Variants in SLC25A26 observed in about 807,000 individuals in gnomAD.
SLC25A26 encodes the protein mitochondrial S-adenosylmethionine carrier protein.
Under a neutral mutation model 37.8 loss-of-function variants are expected in SLC25A26, and 36 were observed. The ratio of observed to expected loss-of-function variants is 0.95; its 90% CI spans 0.73 to 1.26. The LOEUF (loss-of-function observed/expected upper bound fraction) is 1.26, where lower values mean the gene tolerates loss of function less well. Ranked by LOEUF, SLC25A26 falls within the 50% of genes most tolerant of loss-of-function variation. SLC25A26 has a pLI of 0.00. For synonymous variants in SLC25A26, 129 were observed against 122.5 expected, an observed-to-expected ratio of 1.05 and a Z score of -0.35; for missense variants, 390 against 331.1, an observed-to-expected ratio of 1.18 and a Z score of -1.38.
At chr3:66,210,547 ACT>A (rs1402529679) in intron 1 of SLC25A26, among the ~76,000 whole-genome samples, 1 of 151,636 alleles carries the variant, frequency 6.6e-6, no homozygotes, top group Admixed American at 6.6e-5. Context: ...TGGGGGTCTC[ACT>A]CTGTCACTAG....
chr3:66,215,848 TAAC>T (rs2071353084), intron 1 of SLC25A26, among the ~76,000 whole-genome samples: 1 of 152,240 alleles, frequency 6.6e-6, no homozygotes, highest in South Asian at 2.1e-4. Flanking sequence ...TGTGCTGCTA[TAAC>T]AACATACCAC....
At position 66,280,870 on chromosome 3, in the gene SLC25A26, C is replaced by T. The variant is rs905965642; in HGVS notation, c.453+17491C>T. Among the ~76,000 whole-genome samples the T allele has an allele frequency of 3.0e-4, 46 of 152,216 alleles. 1 individual carries two copies. Among genetic ancestry groups the T allele is most frequent in the African/African-American group, 1.0e-3 (43 of 41,554 alleles). On this transcript the variant is annotated intron_variant, in intron 5 of 9. Transcript: ENST00000354883. ...TATCATTTAGTATTTCAGCATGTCT[C>T]CTAAGAATGGAGTCCTACTTCTCAT...
At chr3:66,203,373 C>T (rs1455027379) in intron 1 of SLC25A26, among the ~76,000 whole-genome samples, 1 of 151,390 alleles carries the variant, frequency 6.6e-6, no homozygotes, top group Non-Finnish European at 1.5e-5. Flanking sequence ...GAGAGTGAGA[C>T]CCTGTCTCAA....
intron 6 of SLC25A26, among the ~76,000 whole-genome samples, chr3:66,350,921 C>T (rs934003110): frequency 6.6e-6 from 1 of 152,082 alleles, no homozygotes; most frequent in African/African-American, 2.4e-5. Context: ...TAATGAAGGC[C>T]TTGAAGAATT....
chr3:66,289,478 C>T (rs909416920), intron 5 of SLC25A26, among the ~76,000 whole-genome samples: 10 of 152,160 alleles, frequency 6.6e-5, no homozygotes, highest in Non-Finnish European at 1.0e-4. Context: ...AGTCTTTAAC[C>T]CATCTTGAGT....
At chr3:66,193,239 A>G (rs879104690) in intron 1 of SLC25A26, among the ~76,000 whole-genome samples, 28,884 of 152,152 alleles carry the variant, frequency 0.19, 3,185 homozygotes, top group Admixed American at 0.34. Context: ...AAAAGGGAAT[A>G]TATCCTTTAC....
At chr3:66,292,524 C>G (rs1039653577) in intron 5 of SLC25A26, among the ~76,000 whole-genome samples, 5 of 152,118 alleles carry the variant, frequency 3.3e-5, no homozygotes, top group Non-Finnish European at 7.4e-5. Flanking sequence ...ATTTGCTTGT[C>G]CATAAAGGAT....
chr3:66,192,115 G>C (rs1409324784), intron 1 of SLC25A26, among the ~76,000 whole-genome samples: 5 of 152,018 alleles, frequency 3.3e-5, no homozygotes, highest in Admixed American at 6.6e-5. Context: ...AGGAGTTCGA[G>C]ACCAGCATGT....
At chr3:66,366,568 A>G (rs143044473) in intron 7 of SLC25A26, among the ~76,000 whole-genome samples, 37 of 152,342 alleles carry the variant, frequency 2.4e-4, no homozygotes, top group African/African-American at 8.2e-4. Flanking sequence ...TATTACTTTC[A>G]TGAAACCTAA....
chr3:66,206,894 CTTT>C (rs1192766670), intron 1 of SLC25A26, among the ~76,000 whole-genome samples: 6 of 124,564 alleles, frequency 4.8e-5, no homozygotes, highest in Non-Finnish European at 1.7e-5. Context: ...TTCTTTCTTT[CTTT>C]TTTTTTTTTT....
chr3:66,228,190 G>A (rs1383215333), intron 1 of SLC25A26, among the ~76,000 whole-genome samples: 1 of 152,204 alleles, frequency 6.6e-6, no homozygotes, highest in Admixed American at 6.5e-5. Flanking sequence ...TGCTTGGAGA[G>A]CACCAATCAT....
In SLC25A26 at chr3:66,236,525, CCCTCTTTTTTTTT is replaced by C. The variant is rs1372461759; in HGVS notation, c.34-17_34-5del. ...GTAACCTTTTTTTTTTCTTTTTCTT[CCCTCTTTTTTTTT>C]CAAAGGCTGGTGGGGTAGCAGGTGT... On this transcript the variant is annotated splice_region_variant and splice_polypyrimidine_tract_variant and intron_variant, in intron 1 of 9. Transcript: ENST00000354883. 2 of 1,410,998 alleles carry C rather than the reference CCCTCTTTTTTTTT, an allele frequency of 1.4e-6. No individual in the cohort carries two copies. The highest frequency in any genetic ancestry group is 2.9e-5 in the African/African-American group (2 of 68,436). 87.4% of individuals were successfully genotyped at this position (1,410,998 alleles called of 1,614,324 possible).
chr3:66,333,455 G>T (rs2076023577), intron 5 of SLC25A26, among the ~76,000 whole-genome samples: 1 of 152,188 alleles, frequency 6.6e-6, no homozygotes, highest in Non-Finnish European at 1.5e-5. Context: ...GGAAAATCAT[G>T]TTTTTAGATG....
chr3:66,374,427 A>G (rs1700521082), intron 9 of SLC25A26, among the ~76,000 whole-genome samples: 1 of 152,142 alleles, frequency 6.6e-6, no homozygotes. Flanking sequence ...TTAATCGACA[A>G]ATGTGGTGTG....
intron 5 of SLC25A26, 130 bp downstream of exon 5, chr3:66,263,509 G>A (rs1428153522): frequency 3.1e-5 from 20 of 653,770 alleles, no homozygotes; most frequent in South Asian, 2.1e-4. Context: ...GGAAATTATC[G>A]TCACTCTTCT....
At chr3:66,212,638 T>C (rs1477002816) in intron 1 of SLC25A26, among the ~76,000 whole-genome samples, 2 of 152,160 alleles carry the variant, frequency 1.3e-5, no homozygotes, top group African/African-American at 4.8e-5. Flanking sequence ...CATTGAATTC[T>C]CCATTTCCCC....
intron 1 of SLC25A26, among the ~76,000 whole-genome samples, chr3:66,192,314 T>A (rs2070959448): frequency 1.0e-4 from 2 of 19,840 alleles, no homozygotes; most frequent in Admixed American, 7.5e-4. Context: ...AGACTCCATG[T>A]CACAAAAAAA....
intron 5 of SLC25A26, among the ~76,000 whole-genome samples, chr3:66,307,585 A>G (rs908192987): frequency 3.3e-5 from 5 of 152,268 alleles, no homozygotes; most frequent in African/African-American, 1.2e-4. Flanking sequence ...GCCCATGCCT[A>G]CGTCCTGAAT....
intron 6 of SLC25A26, 85 bp downstream of exon 6, chr3:66,346,493 T>G: frequency 1.9e-6 from 1 of 519,370 alleles, no homozygotes; most frequent in Non-Finnish European, 3.0e-6. Context: ...AACATAATGT[T>G]GACTAGAAGT....
Sources: gnomAD v4.1 joint callset for allele counts (sites outside exome capture counted in the v4.1 genomes callset) on GRCh38, gnomAD v4.1.1 for gene constraint, MANE v1.5 for transcripts, NCBI Gene and HGNC (gene_info 2026-07-23, HGNC 2026-07-21) for gene names.